ASAP2: variants seen among roughly 807,000 people sequenced by gnomAD.
ASAP2 encodes the protein ArfGAP with SH3 domain, ankyrin repeat and PH domain 2, also known as arf-GAP with SH3 domain, ANK repeat and PH domain-containing protein 2.
A neutral mutation model predicts 131.4 loss-of-function variants in ASAP2; 45 were observed. The observed-to-expected ratio is 0.34, with a 90% CI of 0.27 to 0.44. ASAP2 has a LOEUF of 0.44. Ranked by LOEUF, ASAP2 falls within the 20% of genes least tolerant of loss-of-function variation. ASAP2 has a pLI of 1.00. For synonymous variants in ASAP2, 510 were observed against 503.0 expected, an observed-to-expected ratio of 1.01 and a Z score of -0.19; for missense variants, 1,011 against 1,297.0, an observed-to-expected ratio of 0.78 and a Z score of 3.39.
rs1208759466 is a variant in ASAP2, at chr2:9,311,011, C to T, written c.346-7513C>T. Among the ~76,000 whole-genome samples, 1 of 151,880 alleles carries T rather than the reference C, an allele frequency of 6.6e-6. No homozygotes were observed. Among genetic ancestry groups the T allele is most frequent in the Non-Finnish European group, 1.5e-5 (1 of 68,004 alleles). On this transcript the variant is annotated intron_variant, in intron 3 of 27. Coordinates refer to ENST00000281419, the MANE Select transcript of ASAP2 (RefSeq NM_003887.3). The surrounding 1 kb of genome is among the most constrained non-coding windows in gnomAD (Gnocchi z 5.2). Reference sequence around the variant, plus strand: ...GAGATCACAGACCTTTGACTACTTACTTACCTTGTCAGACATATCCAAGTG... The same window carrying T: ...GAGATCACAGACCTTTGACTACTTATTTACCTTGTCAGACATATCCAAGTG...
At chr2:9,296,443 G>A (rs2148391272) in intron 2 of ASAP2, among the ~76,000 whole-genome samples, 1 of 152,298 alleles carries the variant, frequency 6.6e-6, no homozygotes, top group East Asian at 1.9e-4. Context: ...GAACCACTGT[G>A]CCAGAGACCC....
At chr2:9,388,244 G>A in intron 21 of ASAP2, 50 bp from the exon 22 acceptor site, 1 of 1,605,282 alleles carries the variant, frequency 6.2e-7, no homozygotes, top group Non-Finnish European at 8.5e-7. Flanking sequence ...TTATCACCAG[G>A]AGCAGTTCAT....
intron 6 of ASAP2, among the ~76,000 whole-genome samples, chr2:9,325,257 A>G (rs1473742745): frequency 1.3e-5 from 2 of 152,220 alleles, no homozygotes; most frequent in South Asian, 2.1e-4. Context: ...TTCCTGGCCT[A>G]CCTCATAGAG....
chr2:9,275,699 A>C (rs928979883), intron 1 of ASAP2, among the ~76,000 whole-genome samples: 1 of 152,164 alleles, frequency 6.6e-6, no homozygotes, highest in Non-Finnish European at 1.5e-5. Flanking sequence ...GTTGCCTGGC[A>C]CTTGAGCCCC....
chr2:9,208,602 A>G (rs1487613998), intron 1 of ASAP2, among the ~76,000 whole-genome samples: 1 of 152,160 alleles, frequency 6.6e-6, no homozygotes, highest in Non-Finnish European at 1.5e-5. Context: ...CCTTCTCTCC[A>G]TTTAATTTGG....
chr2:9,332,521 A>G (rs1670911317), intron 7 of ASAP2, among the ~76,000 whole-genome samples: 1 of 152,236 alleles, frequency 6.6e-6, no homozygotes, highest in African/African-American at 2.4e-5. Flanking sequence ...CAAGTACACC[A>G]TTCATCGTCA....
intron 23 of ASAP2, 147 bp downstream of exon 23, chr2:9,391,343 T>C: frequency 8.5e-7 from 1 of 1,181,654 alleles, no homozygotes; most frequent in Non-Finnish European, 1.2e-6. Context: ...TGTGCAGGGC[T>C]CTCAGCTCCC....
At chr2:9,354,767 A>G (rs1672585938) in intron 12 of ASAP2, among the ~76,000 whole-genome samples, 1 of 152,104 alleles carries the variant, frequency 6.6e-6, no homozygotes, top group Admixed American at 6.6e-5. Flanking sequence ...TAGCCTCTCT[A>G]GGCTTCAGCC....
Position 9,401,192 on chromosome 2 carries a change from G to A in ASAP2, c.2824-82G>A, listed in dbSNP as rs1489542083. The A allele has an allele frequency of 2.7e-5, 42 of 1,560,876 alleles. No individual in the cohort carries two copies. The South Asian group carries it at 4.6e-4, about 17-fold the overall frequency. On this transcript the variant is annotated intron_variant, in intron 26 of 27. Coordinates refer to ENST00000281419, the MANE Select transcript of ASAP2 (RefSeq NM_003887.3). ...CCTAGGTACGGGACTCCTGAGACCG[G>A]GGAAGGCAGGGTGCTTGAGCTCTCT... is the stretch of plus-strand genomic sequence containing the variant.
chr2:9,350,620 G>T, intron 11 of ASAP2, 188 bp from the exon 12 acceptor site: 1 of 506,170 alleles, frequency 2.0e-6, no homozygotes, highest in East Asian at 3.0e-5. Context: ...GTTGCCCTCT[G>T]TGGAGATGAA....
rs570353954 is a variant in ASAP2 at position 9,233,057 on chromosome 2, GT to G, written c.126+25835del. ...AGAATGCTGCCAGTCTGTGCTCTGT[GT>G]TTTTTTTGCTCAGTGGGACCAAAGT... On this transcript the variant is annotated intron_variant, in intron 1 of 27. Coordinates refer to ENST00000281419, the MANE Select transcript of ASAP2 (RefSeq NM_003887.3). 6.3e-3 allele frequency among the ~76,000 whole-genome samples: 956 copies of G among 152,062 alleles called. 5 individuals are homozygous for G. The highest frequency in any genetic ancestry group is 0.014 in the South Asian group (68 of 4,800).
intron 1 of ASAP2, among the ~76,000 whole-genome samples, chr2:9,222,733 G>C (rs999211712): frequency 6.6e-6 from 1 of 152,124 alleles, no homozygotes; most frequent in Non-Finnish European, 1.5e-5. Context: ...GTGCCGGTGG[G>C]TGTGTTCGCT....
Position 9,311,129 on chromosome 2 carries a change from T to G in ASAP2, c.346-7395T>G, listed in dbSNP as rs1379509238. On this transcript the variant is annotated intron_variant, in intron 3 of 27. Transcript: ENST00000281419. This position sits in a 1 kb window ranked among gnomAD's most constrained non-coding sequence, Gnocchi z 5.2. ...TGCCTGGGCTGGGTGTGGTGGCTCA[T>G]GCCTATAGTCCCAGCACTTTGGGAG... 6.6e-6 allele frequency among the ~76,000 whole-genome samples: 1 copy of G among 152,148 alleles called. No homozygotes were observed. The highest frequency in any genetic ancestry group is 1.5e-5 in the Non-Finnish European group (1 of 68,026).
intron 3 of ASAP2, among the ~76,000 whole-genome samples, chr2:9,303,180 G>A (rs367871926): frequency 6.6e-6 from 1 of 152,100 alleles, no homozygotes; most frequent in Non-Finnish European, 1.5e-5. Context: ...ATCTTTTTGG[G>A]AGGAAGATTT....
rs1296992034 is a variant in ASAP2 at position 9,268,358 on chromosome 2, C to G, written c.127-10959C>G. Among the ~76,000 whole-genome samples, 1 of 152,016 alleles carries G rather than the reference C, an allele frequency of 6.6e-6. No homozygotes were observed. The highest frequency in any genetic ancestry group is 1.5e-5 in the Non-Finnish European group (1 of 68,014). On this transcript the variant is annotated intron_variant, in intron 1 of 27. Coordinates refer to ENST00000281419, the MANE Select transcript of ASAP2 (RefSeq NM_003887.3). The surrounding 1 kb of genome is among the most constrained non-coding windows in gnomAD (Gnocchi z 4.1). ...TAATTTTAATTTTTTAAGATAATAC[C>G]AAAACACGCCCTTCTCATCTGTCCT... is the stretch of plus-strand genomic sequence containing the variant.
At chr2:9,300,309 A>C (rs1191719467) in intron 3 of ASAP2, among the ~76,000 whole-genome samples, 1 of 152,218 alleles carries the variant, frequency 6.6e-6, no homozygotes, top group Non-Finnish European at 1.5e-5. Flanking sequence ...CACTTGGAGC[A>C]CTCCACACCA....
rs1277407103 is a variant in ASAP2 at position 9,392,687 on chromosome 2, A to G, written c.2519-795A>G. On this transcript the variant is annotated intron_variant, in intron 23 of 27. Transcript: ENST00000281419. The surrounding 1 kb of genome is among the most constrained non-coding windows in gnomAD (Gnocchi z 4.0). ...GAAAGATCATAAGCTGGATCCCTTC[A>G]TGTTTCCCCACGCCAGTTTCCTCTC... Among the ~76,000 whole-genome samples the G allele has an allele frequency of 1.3e-5, 2 of 152,172 alleles. No individual in the cohort carries two copies. Among genetic ancestry groups the G allele is most frequent in the Admixed American group, 6.5e-5 (1 of 15,286 alleles).
At chr2:9,377,096 C>T (rs1674460802) in intron 18 of ASAP2, 103 bp downstream of exon 18, 1 of 986,158 alleles carries the variant, frequency 1.0e-6, no homozygotes, top group African/African-American at 1.6e-5. Flanking sequence ...TCAGGAGAAC[C>T]TTCCCAGTTC....
intron 1 of ASAP2, among the ~76,000 whole-genome samples, chr2:9,245,805 G>A (rs567980916): frequency 6.6e-6 from 1 of 152,144 alleles, no homozygotes; most frequent in African/African-American, 2.4e-5. Flanking sequence ...GGATGCTCCT[G>A]GGGGACAGAG....
Sources: allele counts gnomAD v4.1 joint callset (sites outside exome capture counted in the v4.1 genomes callset), GRCh38; gene constraint gnomAD v4.1.1; non-coding constraint Gnocchi (gnomAD v3.1); transcripts MANE v1.5; gene names NCBI Gene and HGNC (gene_info 2026-07-23, HGNC 2026-07-21).